NALF1: variants seen among roughly 807,000 people sequenced by gnomAD.
NALF1 encodes family with sequence similarity 155 member A.
Under a neutral mutation model 48.4 loss-of-function variants are expected in NALF1, and 3 were observed. That is an observed-to-expected ratio of 0.06 (90% CI 0.03 to 0.16). NALF1 has a LOEUF of 0.16. Ranked by LOEUF, NALF1 falls within the 10% of genes least tolerant of loss-of-function variation. The probability of loss-of-function intolerance (pLI) is 1.00; values close to 1 mark genes in which losing one functional copy is unlikely to be tolerated. For missense variants in NALF1, 526 were observed against 571.5 expected, an observed-to-expected ratio of 0.92 and a Z score of 0.81; for synonymous variants, 262 against 245.7, an observed-to-expected ratio of 1.07 and a Z score of -0.62.
rs1880349000 is a variant in NALF1 at position 107,236,662 on chromosome 13, CATCTGTCTGTCTATCTATCTATCT to C, written c.916-25931_916-25908del. Among the ~76,000 whole-genome samples the C allele has an allele frequency of 3.4e-5, 5 of 148,162 alleles. 1 individual carries two copies. The South Asian group carries it at 1.1e-3, about 32-fold the overall frequency. On this transcript the variant is annotated intron_variant, in intron 1 of 2. Coordinates refer to ENST00000375915, the MANE Select transcript of NALF1 (RefSeq NM_001080396.3). ...TTAATTATGGCACTATCTATCTATC[CATCTGTCTGTCTATCTATCTATCT>C]ATCTATCTATCTATCTATCTATCTA...
intron 1 of NALF1, among the ~76,000 whole-genome samples, chr13:107,514,235 T>G (rs1020253198): frequency 1.3e-5 from 2 of 152,210 alleles, no homozygotes; most frequent in African/African-American, 4.8e-5. Flanking sequence ...CTCTTCTTAA[T>G]CTCTCTTTTG....
chr13:107,695,706 C>T (rs1881683779), intron 1 of NALF1, among the ~76,000 whole-genome samples: 1 of 152,116 alleles, frequency 6.6e-6, no homozygotes, highest in South Asian at 2.1e-4. Context: ...TATTATAGCA[C>T]GTATCCTTGC....
chr13:107,693,721 A>T (rs1280048307), intron 1 of NALF1, among the ~76,000 whole-genome samples: 8 of 152,120 alleles, frequency 5.3e-5, no homozygotes, highest in African/African-American at 1.7e-4. Flanking sequence ...CAGAACTTGG[A>T]CCATATGAAT....
At chr13:107,751,575 G>A (rs1321046400) in intron 1 of NALF1, among the ~76,000 whole-genome samples, 1 of 152,128 alleles carries the variant, frequency 6.6e-6, no homozygotes, top group African/African-American at 2.4e-5. Context: ...CCTAATTAAT[G>A]TTAATGGACT....
intron 1 of NALF1, among the ~76,000 whole-genome samples, chr13:107,266,125 T>C (rs1288644861): frequency 6.6e-6 from 1 of 152,212 alleles, no homozygotes; most frequent in Non-Finnish European, 1.5e-5. Context: ...CGACGTAACA[T>C]ACAAACTGCA....
intron 1 of NALF1, among the ~76,000 whole-genome samples, chr13:107,719,760 C>T (rs1365484025): frequency 1.3e-5 from 2 of 151,988 alleles, no homozygotes; most frequent in Non-Finnish European, 2.9e-5. Flanking sequence ...TTTCCTTTTT[C>T]CCCCAACATT....
At chr13:107,781,330 C>G (rs1877880349) in intron 1 of NALF1, among the ~76,000 whole-genome samples, 1 of 152,072 alleles carries the variant, frequency 6.6e-6, no homozygotes, top group Non-Finnish European at 1.5e-5. Flanking sequence ...GTAGCAGAGG[C>G]TGTATTACAT....
chr13:107,617,967 T>A (rs1349395873), intron 1 of NALF1, among the ~76,000 whole-genome samples: 1 of 152,198 alleles, frequency 6.6e-6, no homozygotes, highest in African/African-American at 2.4e-5. Context: ...CATTTGTTTA[T>A]TTCTTCAACA....
chr13:107,180,732 T>C (rs1258539773), intron 2 of NALF1, among the ~76,000 whole-genome samples: 1 of 151,814 alleles, frequency 6.6e-6, no homozygotes, highest in East Asian at 1.9e-4. Flanking sequence ...CTTTCCAGTA[T>C]TTATTTTACA....
At chr13:107,571,928 G>T (rs539808232) in intron 1 of NALF1, among the ~76,000 whole-genome samples, 1 of 152,160 alleles carries the variant, frequency 6.6e-6, no homozygotes, top group Non-Finnish European at 1.5e-5. Context: ...AAAATCCAAG[G>T]TGCTCCAAAT....
chr13:107,416,082 C>T (rs748495786), intron 1 of NALF1, among the ~76,000 whole-genome samples: 2 of 151,902 alleles, frequency 1.3e-5, no homozygotes, highest in African/African-American at 4.8e-5. Context: ...TCTCTGCTCA[C>T]TGCAAGCTCC....
chr13:107,707,619 T>C (rs893764443), intron 1 of NALF1, among the ~76,000 whole-genome samples: 1 of 152,216 alleles, frequency 6.6e-6, no homozygotes, highest in Non-Finnish European at 1.5e-5. Context: ...AGACCAGTTG[T>C]GGTCACTGTG....
intron 1 of NALF1, among the ~76,000 whole-genome samples, chr13:107,839,407 T>C (rs1034993300): frequency 7.3e-5 from 11 of 150,164 alleles, no homozygotes; most frequent in Admixed American, 4.7e-4. Flanking sequence ...TTATTTTATA[T>C]ACAGATAAAG....
chr13:107,201,916 C>T (rs960269174), intron 2 of NALF1, among the ~76,000 whole-genome samples: 5 of 152,038 alleles, frequency 3.3e-5, no homozygotes, highest in Non-Finnish European at 5.9e-5. Flanking sequence ...GTTTCGGTGG[C>T]GAGGTCGGCA....
At chr13:107,739,588 G>A (rs995683009) in intron 1 of NALF1, among the ~76,000 whole-genome samples, 2 of 152,006 alleles carry the variant, frequency 1.3e-5, no homozygotes, top group Non-Finnish European at 1.5e-5. Flanking sequence ...TAATGCCATG[G>A]ACAAATACAC....
At chr13:107,702,627 C>A (rs762424100) in intron 1 of NALF1, among the ~76,000 whole-genome samples, 1 of 152,080 alleles carries the variant, frequency 6.6e-6, no homozygotes, top group Non-Finnish European at 1.5e-5. Context: ...GTTTGCCGCA[C>A]AGACCATCCC....
At chr13:107,183,914 T>A (rs1879118801) in intron 2 of NALF1, among the ~76,000 whole-genome samples, 1 of 152,036 alleles carries the variant, frequency 6.6e-6, no homozygotes, top group Non-Finnish European at 1.5e-5. Context: ...TCCAACAAAT[T>A]TTTCCAACTT....
At chr13:107,225,508 C>G (rs1880083638) in intron 1 of NALF1, among the ~76,000 whole-genome samples, 1 of 151,928 alleles carries the variant, frequency 6.6e-6, no homozygotes, top group Non-Finnish European at 1.5e-5. Flanking sequence ...AATTCCTGGC[C>G]TCAGGTAATC....
intron 1 of NALF1, among the ~76,000 whole-genome samples, chr13:107,438,855 T>G (rs368842813): frequency 3.5e-5 from 3 of 86,172 alleles, no homozygotes; most frequent in Non-Finnish European, 7.2e-5. Context: ...AAAAAAAGAA[T>G]AATATAAAGG....
Sources: gnomAD v4.1 joint callset for allele counts (sites outside exome capture counted in the v4.1 genomes callset) on GRCh38, gnomAD v4.1.1 for gene constraint, MANE v1.5 for transcripts, NCBI Gene and HGNC (gene_info 2026-07-23, HGNC 2026-07-21) for gene names.